Variants in C19orf38 observed in about 807,000 individuals in gnomAD.
The protein encoded by C19orf38 is protein HIDE1.
A neutral mutation model predicts 26.6 loss-of-function variants in C19orf38; 14 were observed. The ratio of observed to expected loss-of-function variants is 0.53; its 90% CI spans 0.35 to 0.82. C19orf38 has a LOEUF of 0.82. C19orf38 is among the 40% of genes least tolerant of loss of function. C19orf38 has a pLI of 0.01. For synonymous variants in C19orf38, 132 were observed against 128.5 expected (o/e 1.03, Z -0.18); for missense variants, 261 against 299.5 (o/e 0.87, Z 0.95).
At chr19:10,863,245 AC>A (rs761067315) in intron 6 of C19orf38, 38 bp downstream of exon 6, 1 of 1,543,732 alleles carries the variant, frequency 6.5e-7, no homozygotes. Flanking sequence ...TTTTCTGCTG[AC>A]CGTCCTACCG....
At chr19:10,837,113 C>A (rs1225085539) in intron 1 of C19orf38, among the ~76,000 whole-genome samples, 1 of 152,226 alleles carries the variant, frequency 6.6e-6, no homozygotes, top group Non-Finnish European at 1.5e-5. Flanking sequence ...TAGGCCTACG[C>A]TACTGGGCTG....
chr19:10,866,357 A>ATTTTTTTTT (rs71164128), intron 6 of C19orf38, among the ~76,000 whole-genome samples: 26 of 125,626 alleles, frequency 2.1e-4, no homozygotes, highest in South Asian at 2.6e-4. Flanking sequence ...TGCCCAGCTA[A>ATTTTTTTTT]TTTTTTTTTT....
At chr19:10,854,647 G>T (rs771520668) in intron 2 of C19orf38, among the ~76,000 whole-genome samples, 3 of 152,088 alleles carry the variant, frequency 2.0e-5, no homozygotes, top group Non-Finnish European at 4.4e-5. Context: ...TGGGGTCAGG[G>T]CATCTCCTCT....
chr19:10,838,500 A>G (rs1224072937), intron 1 of C19orf38, among the ~76,000 whole-genome samples: 3 of 152,226 alleles, frequency 2.0e-5, no homozygotes, highest in Non-Finnish European at 4.4e-5. Flanking sequence ...ATGTAGTTCC[A>G]AAACATTTTC....
chr19:10,843,783 A>T (rs2073495502), upstream of C19orf38, among the ~76,000 whole-genome samples: 2 of 152,028 alleles, frequency 1.3e-5, no homozygotes, highest in African/African-American at 4.8e-5. Context: ...AACAACACAG[A>T]CCCCATCCTT....
chr19:10,842,305 G>C (rs1378441155), intron 1 of C19orf38: 1 of 787,630 alleles, frequency 1.3e-6, no homozygotes, highest in Non-Finnish European at 2.1e-6. Context: ...CTGTCACCCA[G>C]GCTGGAGTGC....
chr19:10,854,834 C>T (rs1429292194), intron 2 of C19orf38, among the ~76,000 whole-genome samples: 1 of 151,988 alleles, frequency 6.6e-6, no homozygotes, highest in Non-Finnish European at 1.5e-5. Flanking sequence ...CTCACACTGG[C>T]TCTACCAGCA....
intron 1 of C19orf38, among the ~76,000 whole-genome samples, chr19:10,839,337 C>G (rs949767721): frequency 6.6e-6 from 1 of 152,310 alleles, no homozygotes; most frequent in African/African-American, 2.4e-5. Flanking sequence ...CACGTGCAAG[C>G]TTCCAGCTTC....
chr19:10,842,618 T>C (rs2073486663), intron 1 of C19orf38, among the ~76,000 whole-genome samples: 1 of 151,694 alleles, frequency 6.6e-6, no homozygotes. Flanking sequence ...ACGCCTGTAG[T>C]CCCAGCAACA....
chr19:10,848,314 G>A, upstream of C19orf38: 1 of 590,544 alleles, frequency 1.7e-6, no homozygotes. Flanking sequence ...GTGTGTTTGG[G>A]GAAGGGGTGG....
At position 10,838,565 on chromosome 19, in the gene C19orf38, G is replaced by A. The variant is rs536394872; in HGVS notation, c.-69+1795G>A. Among the ~76,000 whole-genome samples the A allele has an allele frequency of 4.6e-5, 7 of 152,198 alleles. No individual in the cohort carries two copies. The South Asian group carries it at 6.2e-4, about 14-fold the overall frequency. On this transcript the variant is annotated intron_variant, in intron 1 of 7. Transcript: ENST00000592854. ...TAAGCAGTGATTCTGAAACGGCCTC[G>A]TTGTCTTGAGTAACACCCGGGGTCG... is the stretch of plus-strand genomic sequence containing the variant.
chr19:10,849,374 A>G (rs763294815), intron 1 of C19orf38, among the ~76,000 whole-genome samples: 33 of 151,944 alleles, frequency 2.2e-4, no homozygotes, highest in Admixed American at 9.2e-4. Flanking sequence ...ACCTTTGCCT[A>G]TGCTGTTCCC....
Position 10,856,367 on chromosome 19 carries a change from C to T in C19orf38, c.433+10C>T, listed in dbSNP as rs185973695. On this transcript the variant is annotated intron_variant, in intron 3 of 6. Coordinates refer to ENST00000397820, the MANE Select transcript of C19orf38 (RefSeq NM_001136482.3). Reference sequence around the variant, plus strand: ...CTGGTGGTCAGAAAAGGTAACAGCACGCAAAGCCTGGCACACAAGTTGCCA... The same window carrying T: ...CTGGTGGTCAGAAAAGGTAACAGCATGCAAAGCCTGGCACACAAGTTGCCA... 4.9e-5 allele frequency: 76 copies of T among 1,548,858 alleles called. 1 individual carries two copies. In the East Asian group the frequency reaches 1.1e-3, roughly 22 times the overall value.
At chr19:10,842,745 A>C (rs1426621519) in intron 1 of C19orf38, among the ~76,000 whole-genome samples, 2 of 152,126 alleles carry the variant, frequency 1.3e-5, no homozygotes, top group Non-Finnish European at 2.9e-5. Flanking sequence ...TCAAAAAAAA[A>C]AACCAGAATT....
At chr19:10,848,708 T>C (rs2073539457) in intron 1 of C19orf38, among the ~76,000 whole-genome samples, 169 bp downstream of exon 1, 1 of 152,076 alleles carries the variant, frequency 6.6e-6, no homozygotes. Context: ...AACTCTCCAG[T>C]AGTGTTGGTT....
Position 10,850,401 on chromosome 19 carries a change from C to G in C19orf38, c.174C>G (p.Val58=). The G allele has an allele frequency of 6.4e-7, 1 of 1,550,682 alleles. No individual in the cohort carries two copies. Among genetic ancestry groups the G allele is most frequent in the Non-Finnish European group, 8.7e-7 (1 of 1,146,410 alleles). The change falls in exon 2 of 7, where the codon GTC becomes GTG. Residue 58 remains valine, a synonymous_variant. Transcript: ENST00000397820. ...CACTGTATCGAGGGGGGCAGGTGGTCCAGCTCCTGCAGGCCCCCACGGACC... is the reference window on the plus strand; with the variant it reads ...CACTGTATCGAGGGGGGCAGGTGGTGCAGCTCCTGCAGGCCCCCACGGACC... The part of the protein sequence containing the change: ...NFTLYRGGQV[V]QLLQAPTDQR...
chr19:10,850,588 C>A (rs755714718), intron 2 of C19orf38, 21 bp downstream of exon 2: 1 of 1,550,170 alleles, frequency 6.5e-7, no homozygotes, highest in Non-Finnish European at 8.7e-7. Flanking sequence ...TCTATGGGAT[C>A]TCACTGCCGG....
chr19:10,857,360 A>AT lies in C19orf38; in HGVS notation c.434-955dup, dbSNP rs1256020212. Reference sequence around the variant, plus strand: ...CATACATATATATATATATATATATATATATATTTTTTTTTTTTTTTTTTT... The same window carrying AT: ...CATACATATATATATATATATATATATTATATATTTTTTTTTTTTTTTTTTT... On this transcript the variant is annotated intron_variant, in intron 3 of 6. Transcript: ENST00000397820. 3.3e-4 allele frequency among the ~76,000 whole-genome samples: 27 copies of AT among 82,032 alleles called. 1 individual carries two copies. The highest frequency in any genetic ancestry group is 2.0e-3 in the African/African-American group (20 of 10,200). 53.8% of individuals were successfully genotyped at this position (82,032 alleles called of 152,430 possible).
chr19:10,855,820 G>T (rs1402723096), intron 2 of C19orf38, among the ~76,000 whole-genome samples: 5 of 151,946 alleles, frequency 3.3e-5, no homozygotes, highest in Non-Finnish European at 4.4e-5. Flanking sequence ...GAGCCACTGC[G>T]CCTGGCCAAT....
Sources: gnomAD v4.1 joint callset for allele counts (sites outside exome capture counted in the v4.1 genomes callset) on GRCh38, gnomAD v4.1.1 for gene constraint, MANE v1.5 for transcripts, NCBI Gene and HGNC (gene_info 2026-07-23, HGNC 2026-07-21) for gene names.